Variants in CADM2 observed in about 807,000 individuals in gnomAD.
CADM2 encodes immunoglobulin superfamily member 4D.
CADM2 carries 12 observed loss-of-function variants against 49.8 expected under a neutral mutation model. That is an observed-to-expected ratio of 0.24 (90% CI 0.15 to 0.39). CADM2 has a LOEUF of 0.39. Ranked by LOEUF, CADM2 falls within the 10% of genes least tolerant of loss-of-function variation. The probability of loss-of-function intolerance (pLI) is 1.00; values close to 1 mark genes in which losing one functional copy is unlikely to be tolerated. For missense variants in CADM2, 378 were observed against 492.3 expected, an observed-to-expected ratio of 0.77 and a Z score of 2.20; for synonymous variants, 214 against 175.4, an observed-to-expected ratio of 1.22 and a Z score of -1.74.
At chr3:85,788,429 T>C (rs1465680155) in intron 2 of CADM2, among the ~76,000 whole-genome samples, 2 of 152,102 alleles carry the variant, frequency 1.3e-5, no homozygotes, top group African/African-American at 4.8e-5. Context: ...CAAACATCTA[T>C]GTAGCTATTT....
At chr3:86,044,527 G>C (rs1416671110) in intron 8 of CADM2, among the ~76,000 whole-genome samples, 1 of 152,144 alleles carries the variant, frequency 6.6e-6, no homozygotes, top group Non-Finnish European at 1.5e-5. Context: ...TCTCACACCA[G>C]TTAGAATGGC....
chr3:85,400,073 T>C (rs535196554), intron 1 of CADM2, among the ~76,000 whole-genome samples: 115 of 152,202 alleles, frequency 7.6e-4, no homozygotes, highest in Non-Finnish European at 1.4e-3. Flanking sequence ...CAGTATGATA[T>C]TGGCTGTGGG....
chr3:85,877,684 G>GTTTTTTTTTTTTTTTTTTTTTGTTTTT (rs368101272), intron 3 of CADM2, among the ~76,000 whole-genome samples: 1 of 112,026 alleles, frequency 8.9e-6, no homozygotes, highest in African/African-American at 3.3e-5. Context: ...TTTTTCTTCT[G>GTTTTTTTTTTTTTTTTTTTTTGTTTTT]TTTTTTTTTT....
intron 1 of CADM2, among the ~76,000 whole-genome samples, chr3:85,569,295 T>C (rs1375553): frequency 0.17 from 25,565 of 152,092 alleles, 2,636 homozygotes; most frequent in Non-Finnish European, 0.23. Context: ...TTTCTTTTTC[T>C]TGCTGACTGC....
chr3:85,234,994 A>G (rs961444224), intron 1 of CADM2, among the ~76,000 whole-genome samples: 1 of 150,822 alleles, frequency 6.6e-6, no homozygotes, highest in African/African-American at 2.5e-5. Context: ...CTCAAACCTC[A>G]GTCCTCTGGT....
At chr3:85,874,511 T>G (rs538423495) in intron 3 of CADM2, among the ~76,000 whole-genome samples, 1 of 152,140 alleles carries the variant, frequency 6.6e-6, no homozygotes, top group African/African-American at 2.4e-5. Flanking sequence ...TGGCTACATA[T>G]GGTGATGGTT....
intron 3 of CADM2, among the ~76,000 whole-genome samples, chr3:85,831,642 T>C (rs1254741713): frequency 6.6e-6 from 1 of 151,908 alleles, no homozygotes; most frequent in Non-Finnish European, 1.5e-5. Context: ...TTCAGAAGTG[T>C]CTGTCTATAT....
chr3:85,272,784 A>T (rs1050488904), intron 1 of CADM2, among the ~76,000 whole-genome samples: 3 of 151,278 alleles, frequency 2.0e-5, no homozygotes, highest in African/African-American at 7.3e-5. Context: ...CCATTCAGTC[A>T]ATAAATACTT....
At chr3:85,758,199 A>G (rs1298464324) in intron 2 of CADM2, among the ~76,000 whole-genome samples, 1 of 152,116 alleles carries the variant, frequency 6.6e-6, no homozygotes, top group African/African-American at 2.4e-5. Flanking sequence ...TAGGAGCACA[A>G]CAGAGCAGCT....
intron 3 of CADM2, 30 bp from the exon 4 acceptor site, chr3:85,883,261 A>T (rs760168159): frequency 6.3e-7 from 1 of 1,584,492 alleles, no homozygotes; most frequent in South Asian, 1.1e-5. Context: ...TGATGTCCTT[A>T]TTTACATTTT....
At chr3:85,583,455 CTT>C (rs1351336064) in intron 1 of CADM2, among the ~76,000 whole-genome samples, 2 of 152,064 alleles carry the variant, frequency 1.3e-5, no homozygotes, top group Non-Finnish European at 2.9e-5. Flanking sequence ...AAAGTTATAT[CTT>C]TTGCTTATCT....
intron 1 of CADM2, among the ~76,000 whole-genome samples, chr3:85,476,624 A>T (rs2038985978): frequency 6.6e-6 from 1 of 151,824 alleles, no homozygotes; most frequent in Admixed American, 6.6e-5. Flanking sequence ...AGAGAAAAGC[A>T]AATTCTGCAA....
chr3:85,090,647 G>T (rs111412178), intron 1 of CADM2, among the ~76,000 whole-genome samples: 3 of 152,106 alleles, frequency 2.0e-5, no homozygotes, highest in Admixed American at 6.6e-5. Flanking sequence ...GGACCTTACC[G>T]GTCAGTGGCC....
intron 1 of CADM2, among the ~76,000 whole-genome samples, chr3:85,614,933 T>G (rs759102208): frequency 7.9e-5 from 12 of 152,034 alleles, no homozygotes; most frequent in Non-Finnish European, 1.5e-4. Context: ...TTAAAATAAC[T>G]AATTTCATTC....
Position 85,297,084 on chromosome 3 carries a change from C to A in CADM2, c.61+337416C>A, listed in dbSNP as rs181118842. On this transcript the variant is annotated intron_variant, in intron 1 of 9. Transcript: ENST00000383699. ...CTTATAAATCTTTGTATACTCCACACTACCTTGTTTATAATCTTTCTAAGA... is the reference window on the plus strand; with the variant it reads ...CTTATAAATCTTTGTATACTCCACAATACCTTGTTTATAATCTTTCTAAGA... Among the ~76,000 whole-genome samples the A allele has an allele frequency of 1.8e-3, 273 of 152,132 alleles. 1 individual carries two copies. Among genetic ancestry groups the A allele is most frequent in the African/African-American group, 6.3e-3 (262 of 41,530 alleles).
chr3:85,916,954 G>C (rs1485815620), intron 6 of CADM2, among the ~76,000 whole-genome samples: 2 of 151,976 alleles, frequency 1.3e-5, no homozygotes, highest in African/African-American at 4.8e-5. Context: ...GTGTTTTTTG[G>C]CTGCATAAAT....
intron 1 of CADM2, among the ~76,000 whole-genome samples, chr3:85,583,763 T>G (rs2062858361): frequency 6.6e-6 from 1 of 152,102 alleles, no homozygotes; most frequent in Non-Finnish European, 1.5e-5. Flanking sequence ...TATTAAAAAT[T>G]ACTTGAAATC....
chr3:85,500,216 C>T (rs956312807), intron 1 of CADM2, among the ~76,000 whole-genome samples: 2 of 152,022 alleles, frequency 1.3e-5, no homozygotes, highest in Non-Finnish European at 2.9e-5. Flanking sequence ...ATTTATCCAG[C>T]GCTTCTTTAA....
intron 8 of CADM2, among the ~76,000 whole-genome samples, chr3:86,044,401 G>T (rs1736366383): frequency 6.6e-6 from 1 of 152,074 alleles, no homozygotes; most frequent in African/African-American, 2.4e-5. Context: ...GTGGACGAAG[G>T]ATATGAACAG....
Sources: gnomAD v4.1 joint callset for allele counts (sites outside exome capture counted in the v4.1 genomes callset) on GRCh38, gnomAD v4.1.1 for gene constraint, MANE v1.5 for transcripts, NCBI Gene and HGNC (gene_info 2026-07-23, HGNC 2026-07-21) for gene names.